Variants in CAMKMT observed in about 807,000 individuals in gnomAD.
CAMKMT encodes CaM KMT.
CAMKMT carries 53 observed loss-of-function variants against 48.0 expected under a neutral mutation model. The observed-to-expected ratio is 1.10, with a 90% CI of 0.89 to 1.39. The LOEUF is 1.39. Among genes scored for constraint, CAMKMT ranks in the 40% most tolerant of loss-of-function variants. The pLI is 0.00. For synonymous variants in CAMKMT, 165 were observed against 152.3 expected (o/e 1.08, Z -0.61); for missense variants, 428 against 402.7 (o/e 1.06, Z -0.54).
At chr2:44,582,058 C>A (rs1054375460) in intron 3 of CAMKMT, among the ~76,000 whole-genome samples, 2 of 152,178 alleles carry the variant, frequency 1.3e-5, no homozygotes, top group Admixed American at 6.5e-5. Context: ...TGAAAAAATT[C>A]TCAAACGTTA....
intron 3 of CAMKMT, among the ~76,000 whole-genome samples, chr2:44,530,306 G>A (rs1025152658): frequency 6.6e-6 from 1 of 152,180 alleles, no homozygotes; most frequent in African/African-American, 2.4e-5. Flanking sequence ...TAACAAGTGT[G>A]ATGCTTTGAA....
At position 44,563,263 on chromosome 2, in the gene CAMKMT, GATT is replaced by G. The variant is rs554088727; in HGVS notation, c.377-141017_377-141015del. Among the ~76,000 whole-genome samples the G allele has an allele frequency of 6.2e-4, 94 of 151,480 alleles. 1 individual carries two copies. The highest frequency in any genetic ancestry group is 2.2e-3 in the African/African-American group (93 of 41,436). ...ATTTTTGTTTCTTTCTTAAAAAAAG[GATT>G]ATACTACCTGTACTGTTTTATAACC... On this transcript the variant is annotated intron_variant, in intron 3 of 10. Transcript: ENST00000378494.
chr2:44,364,115 T>C (rs78538604), intron 1 of CAMKMT, among the ~76,000 whole-genome samples: 1,632 of 151,148 alleles, frequency 0.011, 29 homozygotes, highest in African/African-American at 0.037. Context: ...TCCTGAGTAG[T>C]TGGAATTACA....
intron 1 of CAMKMT, among the ~76,000 whole-genome samples, chr2:44,362,583 C>T (rs1667724180): frequency 2.0e-5 from 3 of 152,180 alleles, no homozygotes; most frequent in South Asian, 2.1e-4. Context: ...CCGTCTTTTG[C>T]CCAGCGTGGT....
chr2:44,505,807 C>G (rs568012036), intron 3 of CAMKMT, among the ~76,000 whole-genome samples: 11 of 152,016 alleles, frequency 7.2e-5, no homozygotes, highest in Admixed American at 5.2e-4. Flanking sequence ...TCAGCTTGTT[C>G]CTGTTACATT....
chr2:44,544,706 GCAC>G (rs1267756971), intron 3 of CAMKMT, among the ~76,000 whole-genome samples: 1 of 152,162 alleles, frequency 6.6e-6, no homozygotes, highest in Non-Finnish European at 1.5e-5. Context: ...GTAATCTGTA[GCAC>G]CTGTTCATTT....
intron 3 of CAMKMT, among the ~76,000 whole-genome samples, chr2:44,572,389 T>TTAGTGAATGA (rs1668959461): frequency 6.6e-6 from 1 of 152,170 alleles, no homozygotes; most frequent in East Asian, 1.9e-4. Flanking sequence ...GGTTTGTCCT[T>TTAGTGAATGA]TAGTGAATGA....
chr2:44,713,024 T>A (rs1482781053), intron 6 of CAMKMT, among the ~76,000 whole-genome samples: 1 of 152,180 alleles, frequency 6.6e-6, no homozygotes, highest in Admixed American at 6.6e-5. Context: ...ACTTATTTCC[T>A]GTCCAGTTCT....
At chr2:44,584,818 G>A (rs1341672231) in intron 3 of CAMKMT, among the ~76,000 whole-genome samples, 1 of 152,106 alleles carries the variant, frequency 6.6e-6, no homozygotes, top group African/African-American at 2.4e-5. Flanking sequence ...ACTTTGGGAG[G>A]CTGAAGCGGG....
intron 3 of CAMKMT, among the ~76,000 whole-genome samples, chr2:44,590,649 A>G (rs1329267217): frequency 1.3e-5 from 2 of 152,078 alleles, no homozygotes; most frequent in Admixed American, 6.5e-5. Flanking sequence ...TATTCTGGAT[A>G]TTAGCCCTTT....
intron 2 of CAMKMT, among the ~76,000 whole-genome samples, chr2:44,384,667 G>A (rs1680602918): frequency 1.3e-5 from 2 of 151,902 alleles, no homozygotes; most frequent in South Asian, 4.1e-4. Context: ...TTTATAAGGT[G>A]ATATGAGTAT....
At chr2:44,428,630 T>C (rs754145499) in intron 3 of CAMKMT, among the ~76,000 whole-genome samples, 1 of 152,248 alleles carries the variant, frequency 6.6e-6, no homozygotes, top group East Asian at 1.9e-4. Context: ...TTAGTTAACA[T>C]AGTCCAAGGT....
chr2:44,478,702 CTTT>C (rs11323347), intron 3 of CAMKMT, among the ~76,000 whole-genome samples: 22 of 106,372 alleles, frequency 2.1e-4, no homozygotes, highest in Non-Finnish European at 3.2e-4. Flanking sequence ...TCTTTTCTTC[CTTT>C]TTTTTTTTTT....
At chr2:44,621,043 C>T (rs946800274) in intron 3 of CAMKMT, among the ~76,000 whole-genome samples, 3 of 152,002 alleles carry the variant, frequency 2.0e-5, no homozygotes, top group African/African-American at 7.2e-5. Flanking sequence ...CCGAGGCGGG[C>T]GGATCACGAG....
intron 3 of CAMKMT, among the ~76,000 whole-genome samples, chr2:44,505,224 C>G (rs931480750): frequency 6.6e-6 from 1 of 151,960 alleles, no homozygotes; most frequent in African/African-American, 2.4e-5. Flanking sequence ...ACTAGAGCAC[C>G]CACTTTCTAA....
chr2:44,602,353 C>G (rs1671044345), intron 3 of CAMKMT, among the ~76,000 whole-genome samples: 2 of 152,018 alleles, frequency 1.3e-5, no homozygotes, highest in South Asian at 4.1e-4. Context: ...TAATGACTAC[C>G]TAGTATTCTA....
intron 3 of CAMKMT, among the ~76,000 whole-genome samples, chr2:44,544,772 C>T (rs565338406): frequency 3.3e-5 from 5 of 152,232 alleles, no homozygotes; most frequent in Admixed American, 6.5e-5. Flanking sequence ...GATGGGCAGG[C>T]TATAAGATTC....
intron 3 of CAMKMT, among the ~76,000 whole-genome samples, chr2:44,593,372 A>G (rs1249634379): frequency 6.6e-6 from 1 of 152,160 alleles, no homozygotes. Context: ...TGAATACTCA[A>G]AGGGAGGCAT....
In CAMKMT at chr2:44,630,269, G is replaced by A. The variant is rs896202404; in HGVS notation, c.377-74014G>A. On this transcript the variant is annotated intron_variant, in intron 3 of 10. Coordinates refer to ENST00000378494, the MANE Select transcript of CAMKMT (RefSeq NM_024766.5). Reference sequence around the variant, plus strand: ...TTCAAGATGGATTAAAGACTTAAACGTTAGACCTAAAACCATAAAAACCCT... The same window carrying A: ...TTCAAGATGGATTAAAGACTTAAACATTAGACCTAAAACCATAAAAACCCT... Among the ~76,000 whole-genome samples, 305 of 151,880 alleles carry A rather than the reference G, an allele frequency of 2.0e-3. 1 individual carries two copies. Among genetic ancestry groups the A allele is most frequent in the Non-Finnish European group, 1.9e-3 (128 of 67,904 alleles).
Sources: gnomAD v4.1 joint callset for allele counts (sites outside exome capture counted in the v4.1 genomes callset) on GRCh38, gnomAD v4.1.1 for gene constraint, MANE v1.5 for transcripts, NCBI Gene and HGNC (gene_info 2026-07-23, HGNC 2026-07-21) for gene names.